The following SLC5A4 variants were observed in gnomAD, a reference collection of about 807,000 sequenced individuals.
The protein encoded by SLC5A4 is solute carrier family 5 member 4.
A neutral mutation model predicts 70.3 loss-of-function variants in SLC5A4; 55 were observed. The observed-to-expected ratio is 0.78, with a 90% CI of 0.63 to 0.98. The LOEUF is 0.98. SLC5A4 is among the 50% of genes least tolerant of loss of function. The pLI is 0.00. For synonymous variants in SLC5A4, 268 were observed against 305.7 expected, an observed-to-expected ratio of 0.88 and a Z score of 1.29; for missense variants, 735 against 839.2, an observed-to-expected ratio of 0.88 and a Z score of 1.53.
chr22:32,259,175 C>T (rs1927629113), upstream of SLC5A4, among the ~76,000 whole-genome samples: 1 of 152,170 alleles, frequency 6.6e-6, no homozygotes, highest in African/African-American at 2.4e-5. Context: ...CAATTAAGTA[C>T]TGTTTTGTAC....
At chr22:32,281,314 C>G in the SLC5A4 span, among the ~76,000 whole-genome samples, 1 of 152,106 alleles carries the variant, frequency 6.6e-6, no homozygotes, top group Non-Finnish European at 1.5e-5. Context: ...CTGCTCCCAA[C>G]GGGGCCGCAT....
Position 32,231,045 on chromosome 22 carries a change from C to T in SLC5A4, c.1052G>A (p.Cys351Tyr). The T allele has an allele frequency of 6.2e-7, 1 of 1,613,908 alleles. No homozygotes were observed. The highest frequency in any genetic ancestry group is 8.5e-7 in the Non-Finnish European group (1 of 1,179,794). Residue 351 changes from cysteine (C) to tyrosine (Y), a missense_variant, in exon 10 of 15, where the codon TGC becomes TAC. Coordinates refer to ENST00000266086, the MANE Select transcript of SLC5A4 (RefSeq NM_014227.3). ...AACATCAACGCCACAGTGTTTCACG[C>T]ATTCAGAAGGTACCACACATGCTAC... ...DMVACVVPSE[C>Y]VKHCGVDVGC...
the SLC5A4 span, among the ~76,000 whole-genome samples, chr22:32,339,180 C>T: frequency 1.3e-5 from 2 of 152,308 alleles, no homozygotes; most frequent in Middle Eastern, 3.4e-3. Context: ...GGGAGAAAAA[C>T]GCAAAGCAGT....
chr22:32,271,033 G>A, the SLC5A4 span: 1 of 559,502 alleles, frequency 1.8e-6, no homozygotes, highest in African/African-American at 1.9e-5. Flanking sequence ...TCGGTGATGA[G>A]GAAATGCTGT....
At chr22:32,335,937 G>A in the SLC5A4 span, among the ~76,000 whole-genome samples, 3 of 152,206 alleles carry the variant, frequency 2.0e-5, no homozygotes, top group Non-Finnish European at 4.4e-5. Context: ...CACGGGAGCC[G>A]AAATGCCCGT....
At chr22:32,300,939 G>T in the SLC5A4 span, among the ~76,000 whole-genome samples, 1 of 152,116 alleles carries the variant, frequency 6.6e-6, no homozygotes, top group Admixed American at 6.5e-5. Flanking sequence ...GAGTACTGTT[G>T]TTGGGTTAGA....
At chr22:32,334,758 G>GT in the SLC5A4 span, among the ~76,000 whole-genome samples, 1 of 152,240 alleles carries the variant, frequency 6.6e-6, no homozygotes, top group African/African-American at 2.4e-5. Context: ...CGGCACTCCA[G>GT]TAAGCGTACA....
At chr22:32,269,640 G>A in the SLC5A4 span, 6 of 601,064 alleles carry the variant, frequency 1.0e-5, no homozygotes, top group South Asian at 3.0e-5. This position sits in a 1 kb window ranked among gnomAD's most constrained non-coding sequence, Gnocchi z 4.1. Flanking sequence ...CATAGGTGGG[G>A]TGGTGGTCTT....
the SLC5A4 span, among the ~76,000 whole-genome samples, chr22:32,333,543 T>C: frequency 0.26 from 39,892 of 151,868 alleles, 6,603 homozygotes; most frequent in East Asian, 0.49. Context: ...CCTCCAAGGC[T>C]GTGTGCACTG....
the SLC5A4 span, among the ~76,000 whole-genome samples, chr22:32,326,721 T>C: frequency 3.9e-5 from 6 of 152,176 alleles, no homozygotes; most frequent in Admixed American, 3.9e-4. Flanking sequence ...AGAAAGAGAC[T>C]CTGCTGACAC....
In SLC5A4 at chr22:32,230,980, G is replaced by T; in HGVS notation, c.1117C>A (p.Leu373Met). 6.2e-7 allele frequency: 1 copy of T among 1,612,072 alleles called. No individual in the cohort carries two copies. The highest frequency in any genetic ancestry group is 8.5e-7 in the Non-Finnish European group (1 of 1,178,082). Residue 373 changes from leucine to methionine, a missense_variant, in exon 10 of 15, where the codon CTG (leucine) becomes ATG (methionine). Transcript: ENST00000266086. ...NYAYPTMVLELMPQGLRGLML... is the reference protein window; with the variant it reads ...NYAYPTMVLEMMPQGLRGLML... ...GACATTTTCCTACCTTGGGGCATCA[G>T]TTCCAGCACCATCGTGGGGTATGCG...
At chr22:32,339,531 T>A in the SLC5A4 span, among the ~76,000 whole-genome samples, 1 of 152,198 alleles carries the variant, frequency 6.6e-6, no homozygotes, top group South Asian at 2.1e-4. Context: ...CGTAAACTCA[T>A]GAAAACTAAG....
chr22:32,281,551 T>TG, the SLC5A4 span, among the ~76,000 whole-genome samples: 5 of 152,152 alleles, frequency 3.3e-5, no homozygotes, highest in East Asian at 7.7e-4. Context: ...TTTTTTGAGA[T>TG]GGGGTCTCAC....
chr22:32,271,025 G>A, the SLC5A4 span: 122 of 547,350 alleles, frequency 2.2e-4, 1 homozygote, highest in African/African-American at 1.7e-3. Context: ...CCCCACAGTC[G>A]GTGATGAGGA....
the SLC5A4 span, among the ~76,000 whole-genome samples, chr22:32,261,865 A>G: frequency 6.6e-6 from 1 of 152,066 alleles, no homozygotes; most frequent in Non-Finnish European, 1.5e-5. Context: ...TCTGTTTCCT[A>G]TGTCCATGAG....
At chr22:32,237,838 T>C (rs1238168850) in intron 6 of SLC5A4, among the ~76,000 whole-genome samples, 2 of 152,130 alleles carry the variant, frequency 1.3e-5, no homozygotes, top group Non-Finnish European at 2.9e-5. Flanking sequence ...CTAACTAGGC[T>C]CTCAGTCTAG....
chr22:32,324,452 A>G, the SLC5A4 span, among the ~76,000 whole-genome samples: 29,027 of 152,076 alleles, frequency 0.19, 2,946 homozygotes, highest in Admixed American at 0.23. Flanking sequence ...TTTCAGTTTT[A>G]TGGTCTCCAC....
the SLC5A4 span, among the ~76,000 whole-genome samples, chr22:32,326,462 T>C: frequency 1.3e-5 from 2 of 151,556 alleles, no homozygotes; most frequent in African/African-American, 4.9e-5. Context: ...ACCCTGTTGG[T>C]CAGGCTGGTC....
rs1308940801 is a variant in SLC5A4 at position 32,255,303 on chromosome 22, G to T, written c.27C>A (p.Thr9=). 1.9e-6 allele frequency: 3 copies of T among 1,614,136 alleles called. No homozygotes were observed. The highest frequency in any genetic ancestry group is 1.7e-6 in the Non-Finnish European group (2 of 1,180,000). MASTVSPS[T]IAETPEPPPL... ...GAGGTGGCTCTGGGGTCTCAGCTAT[G>T]GTGCTGGGGCTAACCGTACTGGCCA... is the stretch of plus-strand genomic sequence containing the variant. Residue 9 remains threonine (T), a synonymous_variant, in exon 1 of 15, where the codon ACC becomes ACA. Coordinates refer to ENST00000266086, the MANE Select transcript of SLC5A4 (RefSeq NM_014227.3).
Sources: gnomAD v4.1 joint callset for allele counts (sites outside exome capture counted in the v4.1 genomes callset) on GRCh38, gnomAD v4.1.1 for gene constraint, Gnocchi (gnomAD v3.1) non-coding constraint, MANE v1.5 for transcripts, NCBI Gene and HGNC (gene_info 2026-07-23, HGNC 2026-07-21) for gene names.